The following MAF variants were observed in gnomAD, a reference collection of about 807,000 sequenced individuals.
MAF encodes the protein transcription factor Maf.
Under a neutral mutation model 22.0 loss-of-function variants are expected in MAF, and 10 were observed. The observed-to-expected ratio is 0.45, with a 90% CI of 0.28 to 0.77. The LOEUF (loss-of-function observed/expected upper bound fraction) is 0.77, where lower values mean the gene tolerates loss of function less well. Among genes scored for constraint, MAF ranks in the 30% least tolerant of loss-of-function variants. MAF has a pLI of 0.12. For missense variants in MAF, 544 were observed against 548.4 expected, an observed-to-expected ratio of 0.99 and a Z score of 0.08; for synonymous variants, 337 against 255.8, an observed-to-expected ratio of 1.32 and a Z score of -3.03.
the MAF span, among the ~76,000 whole-genome samples, chr16:79,253,563 G>A: frequency 1.3e-5 from 2 of 152,114 alleles, no homozygotes; most frequent in Non-Finnish European, 2.9e-5. Flanking sequence ...AGGGCCTCCG[G>A]GGCAGGTGTG....
the MAF span, among the ~76,000 whole-genome samples, chr16:79,351,562 G>A: frequency 1.3e-5 from 2 of 152,086 alleles, no homozygotes; most frequent in Admixed American, 6.6e-5. Context: ...CAGAGTCACA[G>A]AGACCCAGAA....
the MAF span, among the ~76,000 whole-genome samples, chr16:79,561,560 T>G: frequency 2.0e-5 from 3 of 149,524 alleles, no homozygotes; most frequent in Middle Eastern, 3.4e-3. Context: ...AGTGAGAACA[T>G]GCAGTGTTTG....
chr16:79,457,693 G>C, the MAF span, among the ~76,000 whole-genome samples: 1 of 152,102 alleles, frequency 6.6e-6, no homozygotes, highest in Non-Finnish European at 1.5e-5. Context: ...TACAGAATCA[G>C]TTAGTTTACA....
chr16:79,311,253 C>CT, the MAF span, among the ~76,000 whole-genome samples: 7 of 152,090 alleles, frequency 4.6e-5, no homozygotes, highest in Middle Eastern at 3.4e-3. Flanking sequence ...TTCATTTTTC[C>CT]TTTTTTCTCT....
chr16:79,557,800 A>G, the MAF span, among the ~76,000 whole-genome samples: 2 of 152,100 alleles, frequency 1.3e-5, no homozygotes, highest in Admixed American at 1.3e-4. Context: ...GGGCAAAGAT[A>G]TAAGATGAGA....
the MAF span, among the ~76,000 whole-genome samples, chr16:79,548,198 A>C: frequency 6.6e-6 from 1 of 152,350 alleles, no homozygotes; most frequent in Non-Finnish European, 1.5e-5. Context: ...ATTAAAACAC[A>C]TTACATAAGT....
At chr16:79,421,226 T>G in the MAF span, among the ~76,000 whole-genome samples, 135 of 152,348 alleles carry the variant, frequency 8.9e-4, no homozygotes, top group Middle Eastern at 6.8e-3. Context: ...AGGCATCCAC[T>G]GCAGGTCTCA....
the MAF span, among the ~76,000 whole-genome samples, chr16:79,281,546 C>CTT: frequency 0.014 from 1,563 of 115,438 alleles, 23 homozygotes; most frequent in Middle Eastern, 0.018. Context: ...TCTTTGAAGA[C>CTT]TTTTTTTTTT....
At chr16:79,427,743 C>T in the MAF span, among the ~76,000 whole-genome samples, 10 of 152,106 alleles carry the variant, frequency 6.6e-5, no homozygotes, top group Non-Finnish European at 8.8e-5. Context: ...CTCTGAATTC[C>T]GCATCCCAGC....
At chr16:79,304,017 C>A in the MAF span, among the ~76,000 whole-genome samples, 1 of 152,154 alleles carries the variant, frequency 6.6e-6, no homozygotes, top group South Asian at 2.1e-4. Flanking sequence ...GGAAATAAGG[C>A]GAAAGCATAT....
the MAF span, among the ~76,000 whole-genome samples, chr16:79,321,075 A>G: frequency 6.6e-6 from 1 of 152,168 alleles, no homozygotes; most frequent in Admixed American, 6.5e-5. Context: ...TATTAGGGTC[A>G]TTACTGTCCG....
the MAF span, among the ~76,000 whole-genome samples, chr16:79,338,413 T>C: frequency 1.8e-4 from 28 of 152,300 alleles, no homozygotes; most frequent in Admixed American, 7.2e-4. Context: ...TTTAGAAATG[T>C]CTCTTTTCTA....
the MAF span, among the ~76,000 whole-genome samples, chr16:79,266,441 G>T: frequency 9.9e-5 from 15 of 152,208 alleles, no homozygotes; most frequent in East Asian, 2.9e-3. Flanking sequence ...GTCCCAAAAG[G>T]CAATAAGAGC....
the MAF span, among the ~76,000 whole-genome samples, chr16:79,523,413 A>C: frequency 6.6e-6 from 1 of 152,250 alleles, no homozygotes; most frequent in Non-Finnish European, 1.5e-5. Context: ...TAGAAGTCTT[A>C]AAATAACTTT....
chr16:79,482,759 T>A, the MAF span, among the ~76,000 whole-genome samples: 1 of 151,908 alleles, frequency 6.6e-6, no homozygotes, highest in East Asian at 1.9e-4. Context: ...ATGCACCCAA[T>A]GAGGGGTTCA....
the MAF span, among the ~76,000 whole-genome samples, chr16:79,302,471 G>A: frequency 6.6e-6 from 1 of 152,214 alleles, no homozygotes; most frequent in South Asian, 2.1e-4. Context: ...CATGGCTGAT[G>A]CCTTAATCAG....
chr16:79,442,568 G>C, the MAF span, among the ~76,000 whole-genome samples: 11 of 151,918 alleles, frequency 7.2e-5, no homozygotes, highest in Admixed American at 4.6e-4. Context: ...TAGTGACAGG[G>C]TCTTGCACTG....
the MAF span, among the ~76,000 whole-genome samples, chr16:79,388,502 CTTTTTTCTT>C: frequency 6.6e-6 from 1 of 152,296 alleles, no homozygotes; most frequent in Admixed American, 6.5e-5. Context: ...TTTTCTTTCT[CTTTTTTCTT>C]GGCTATGTAT....
chr16:79,227,209 G>T, the MAF span, among the ~76,000 whole-genome samples: 1 of 151,944 alleles, frequency 6.6e-6, no homozygotes, highest in East Asian at 1.9e-4. Context: ...AAATTATCCA[G>T]GCATGGCGGC....
Sources: allele counts gnomAD v4.1 joint callset (sites outside exome capture counted in the v4.1 genomes callset), GRCh38; gene constraint gnomAD v4.1.1; transcripts MANE v1.5; gene names NCBI Gene and HGNC (gene_info 2026-07-23, HGNC 2026-07-21).